The following STRAP variants were observed in gnomAD, a reference collection of about 807,000 sequenced individuals.
STRAP encodes serine-threonine kinase receptor-associated protein.
A neutral mutation model predicts 47.0 loss-of-function variants in STRAP; 16 were observed. That is an observed-to-expected ratio of 0.34 (90% CI 0.23 to 0.52). The LOEUF (loss-of-function observed/expected upper bound fraction) is 0.52, where lower values mean the gene tolerates loss of function less well. Among genes scored for constraint, STRAP ranks in the 20% least tolerant of loss-of-function variants. STRAP has a pLI of 0.96. For missense variants in STRAP, 293 were observed against 420.0 expected (o/e 0.70, Z 2.64); for synonymous variants, 130 against 142.7 (o/e 0.91, Z 0.63).
At chr12:15,893,277 A>C (rs1948031755) in intron 4 of STRAP, among the ~76,000 whole-genome samples, 1 of 151,366 alleles carries the variant, frequency 6.6e-6, no homozygotes, top group South Asian at 2.1e-4. Context: ...ATTTCTCATT[A>C]TTTACTATCA....
intron 4 of STRAP, among the ~76,000 whole-genome samples, chr12:15,891,681 G>A (rs1305059109): frequency 1.3e-5 from 2 of 152,168 alleles, no homozygotes; most frequent in Non-Finnish European, 2.9e-5. Context: ...AGTGGCTCAC[G>A]CCTGTAATCC....
rs1221519525 is a variant in STRAP at position 15,883,651 on chromosome 12, G to T, written c.223G>T (p.Ala75Ser). The T allele has an allele frequency of 6.2e-7, 1 of 1,614,122 alleles. No homozygotes were observed. Among genetic ancestry groups the T allele is most frequent in the Non-Finnish European group, 8.5e-7 (1 of 1,180,036 alleles). ...ATLNKDATKA[A>S]TAAADFTAKV... is the part of the protein sequence containing the mutation. ...ACTGAATAAGGATGCCACCAAAGCAGCTACAGCAGCTGCAGATTTCACAGC... is the reference window on the plus strand; with the variant it reads ...ACTGAATAAGGATGCCACCAAAGCATCTACAGCAGCTGCAGATTTCACAGC... The change falls in exon 2 of 10, where the codon GCT (alanine) becomes TCT (serine). Residue 75 changes from alanine (A) to serine (S), a missense_variant. By Grantham distance (99) the Ala-to-Ser change is moderately conservative (BLOSUM62 1). Coordinates refer to ENST00000419869, the MANE Select transcript of STRAP (RefSeq NM_007178.4).
intron 7 of STRAP, 36 bp from the exon 8 acceptor site, chr12:15,899,868 T>A (rs1948089622): frequency 6.3e-7 from 1 of 1,582,074 alleles, no homozygotes; most frequent in Non-Finnish European, 8.6e-7. Context: ...TTTAACCTAA[T>A]AGTTAAAATT....
At position 15,882,481 on chromosome 12, in the gene STRAP, C is replaced by G. The variant is rs1319644685; in HGVS notation, c.-227C>G. On this transcript the variant is annotated 5_prime_UTR_variant, in exon 1 of 10. Transcript: ENST00000419869. ...CCATCCCCTACTTTCCTCCCTCCCT[C>G]CCTTTCCCTCCCTCGTCGACTGTTG... The G allele has an allele frequency of 1.9e-6, 1 of 529,214 alleles. No homozygotes were observed. The highest frequency in any genetic ancestry group is 2.2e-5 in the South Asian group (1 of 45,226). 32.8% of individuals were successfully genotyped at this position (529,214 alleles called of 1,614,324 possible).
chr12:15,900,422 C>T (rs920562948), intron 8 of STRAP, among the ~76,000 whole-genome samples: 1 of 151,330 alleles, frequency 6.6e-6, no homozygotes, highest in East Asian at 1.9e-4. Flanking sequence ...CCCAGCTACT[C>T]AGGAGGCTGA....
chr12:15,884,316 C>T (rs1947950422), intron 2 of STRAP, among the ~76,000 whole-genome samples: 1 of 151,964 alleles, frequency 6.6e-6, no homozygotes, highest in Non-Finnish European at 1.5e-5. Flanking sequence ...TCTTTTCCTC[C>T]TATTCATTTT....
At chr12:15,891,504 G>A (rs1948014579) in intron 4 of STRAP, among the ~76,000 whole-genome samples, 1 of 152,190 alleles carries the variant, frequency 6.6e-6, no homozygotes, top group Non-Finnish European at 1.5e-5. Context: ...CTAGTTTCCT[G>A]TTTTGGCCCG....
In STRAP at chr12:15,887,828, CT is replaced by C. The variant is rs1444910263; in HGVS notation, c.249-2099del. Among the ~76,000 whole-genome samples, 1 of 149,668 alleles carries C rather than the reference CT, an allele frequency of 6.7e-6. No homozygotes were observed. Among genetic ancestry groups the C allele is most frequent in the African/African-American group, 2.5e-5 (1 of 40,688 alleles). On this transcript the variant is annotated intron_variant, in intron 2 of 9. Transcript: ENST00000419869. The surrounding 1 kb of genome is among the most constrained non-coding windows in gnomAD (Gnocchi z 5.5). ...CTTGGGCAATATACCAAGATCCTGT[CT>C]CAAAAAAAAAAAGAGAGAGAGGTTT... is the stretch of plus-strand genomic sequence containing the variant.
intron 2 of STRAP, among the ~76,000 whole-genome samples, chr12:15,884,156 T>C (rs1333570936): frequency 3.9e-5 from 6 of 152,224 alleles, no homozygotes. Flanking sequence ...TTTTAAAGGT[T>C]GAAATCTAAA....
chr12:15,900,841 A>G, intron 8 of STRAP, 106 bp from the exon 9 acceptor site: 1 of 744,484 alleles, frequency 1.3e-6, no homozygotes, highest in Non-Finnish European at 1.9e-6. Context: ...TATATTTTGT[A>G]GCCATTTTCC....
At chr12:15,892,487 T>C (rs1948024891) in intron 4 of STRAP, among the ~76,000 whole-genome samples, 1 of 152,198 alleles carries the variant, frequency 6.6e-6, no homozygotes, top group South Asian at 2.1e-4. Flanking sequence ...ATTTGGTATC[T>C]TTCAGATTTT....
In STRAP at chr12:15,896,377, G is replaced by T. The variant is rs761798943; in HGVS notation, c.638+881G>T. 1.3e-5 allele frequency among the ~76,000 whole-genome samples: 2 copies of T among 151,954 alleles called. No individual in the cohort carries two copies. Among genetic ancestry groups the T allele is most frequent in the Admixed American group, 1.3e-4 (2 of 15,254 alleles). ...TTTTTTAAACAGATTTGAATTTTGCGACTTTAAATGTAGTAAATACTCTTG... is the reference window on the plus strand; with the variant it reads ...TTTTTTAAACAGATTTGAATTTTGCTACTTTAAATGTAGTAAATACTCTTG... On this transcript the variant is annotated intron_variant, in intron 6 of 9. Coordinates refer to ENST00000419869, the MANE Select transcript of STRAP (RefSeq NM_007178.4). This position sits in a 1 kb window ranked among gnomAD's most constrained non-coding sequence, Gnocchi z 4.1.
intron 7 of STRAP, among the ~76,000 whole-genome samples, chr12:15,899,345 T>C (rs1948084698): frequency 6.6e-6 from 1 of 152,210 alleles, no homozygotes; most frequent in African/African-American, 2.4e-5. Context: ...ATAACAGTGC[T>C]CCTAATCTAT....
In STRAP at chr12:15,896,542, GTTTT is replaced by G. The variant is rs371747383; in HGVS notation, c.638+1054_638+1057del. Among the ~76,000 whole-genome samples the G allele has an allele frequency of 2.8e-5, 4 of 145,362 alleles. No individual in the cohort carries two copies. Among genetic ancestry groups the G allele is most frequent in the Admixed American group, 6.9e-5 (1 of 14,496 alleles). On this transcript the variant is annotated intron_variant, in intron 6 of 9. Transcript: ENST00000419869. The surrounding 1 kb of genome is among the most constrained non-coding windows in gnomAD (Gnocchi z 4.1). Reference sequence around the variant, plus strand: ...ATATATGTGGGTGTACAGTATTTGTGTTTTTTTTTTTAATTACTAGGACCATAAT... The same window carrying G: ...ATATATGTGGGTGTACAGTATTTGTGTTTTTTTAATTACTAGGACCATAAT...
Position 15,889,964 on chromosome 12 carries a change from G to T in STRAP, c.285G>T (p.Met95Ile). Residue 95 changes from methionine (M) to isoleucine (I), a missense_variant, in exon 3 of 10, where the codon ATG (methionine) becomes ATT (isoleucine). Coordinates refer to ENST00000419869, the MANE Select transcript of STRAP (RefSeq NM_007178.4). ...VWDAVSGDEL[M>I]TLAHKHIVKT... The stretch of plus-strand genomic sequence containing the variant: ...ATGCTGTCTCAGGAGATGAATTGAT[G>T]ACCCTGGCTCATAAACACATTGTCA... 1 of 1,613,696 alleles carries T rather than the reference G, an allele frequency of 6.2e-7. No individual in the cohort carries two copies. The highest frequency in any genetic ancestry group is 1.1e-5 in the South Asian group (1 of 91,040).
intron 4 of STRAP, among the ~76,000 whole-genome samples, chr12:15,892,038 A>G (rs1432383510): frequency 1.3e-5 from 2 of 152,204 alleles, no homozygotes; most frequent in South Asian, 2.1e-4. Context: ...TCTATACCCA[A>G]CATGTTCTAG....
chr12:15,895,486 A>G lies in STRAP; in HGVS notation c.628A>G (p.Ser210Gly), dbSNP rs1948052440. Reference protein sequence around the residue: ...ITYGRSIAFHSAVSLDPIKSF... With the variant: ...ITYGRSIAFHGAVSLDPIKSF... Reference sequence around the variant, plus strand: ...TTATGGACGATCTATTGCTTTTCATAGTGCAGTAAGGTATGTCCAAGAAAT... The same window carrying G: ...TTATGGACGATCTATTGCTTTTCATGGTGCAGTAAGGTATGTCCAAGAAAT... Residue 210 changes from serine to glycine, a missense_variant, in exon 6 of 10, where the codon AGT becomes GGT. Physicochemically the swap from Ser to Gly is moderately conservative, Grantham distance 56. Coordinates refer to ENST00000419869, the MANE Select transcript of STRAP (RefSeq NM_007178.4). 1 of 1,600,832 alleles carries G rather than the reference A, an allele frequency of 6.2e-7. No individual in the cohort carries two copies. Among genetic ancestry groups the G allele is most frequent in the African/African-American group, 1.3e-5 (1 of 74,080 alleles).
intron 2 of STRAP, among the ~76,000 whole-genome samples, chr12:15,889,403 G>T (rs893143435): frequency 6.6e-6 from 1 of 151,894 alleles, no homozygotes; most frequent in African/African-American, 2.4e-5. Flanking sequence ...AGTGGACATT[G>T]TCTCTCCACT....
chr12:15,888,741 G>GTCTTTTAAT (rs1252311295), intron 2 of STRAP, among the ~76,000 whole-genome samples: 1 of 151,876 alleles, frequency 6.6e-6, no homozygotes, highest in Non-Finnish European at 1.5e-5. Context: ...CCATATATAT[G>GTCTTTTAAT]TCTTTTAATT....
Sources: gnomAD v4.1 joint callset for allele counts (sites outside exome capture counted in the v4.1 genomes callset) on GRCh38, gnomAD v4.1.1 for gene constraint, Gnocchi (gnomAD v3.1) non-coding constraint, MANE v1.5 for transcripts, NCBI Gene and HGNC (gene_info 2026-07-23, HGNC 2026-07-21) for gene names.